ADAM20: variants seen among roughly 807,000 people sequenced by gnomAD.
The protein encoded by ADAM20 is disintegrin and metalloproteinase domain-containing protein 20.
For missense variants in ADAM20, 871 were observed against 883.2 expected (o/e 0.99, Z 0.18); for synonymous variants, 305 against 310.2 (o/e 0.98, Z 0.18).
chr14:70,531,049 G>A (rs1174053705), intron 1 of ADAM20, among the ~76,000 whole-genome samples: 1 of 152,004 alleles, frequency 6.6e-6, no homozygotes, highest in Admixed American at 6.6e-5. Flanking sequence ...ATACAAATTG[G>A]TATTTGAAAA....
At chr14:70,544,851 T>C in the ADAM20 span, among the ~76,000 whole-genome samples, 1 of 152,100 alleles carries the variant, frequency 6.6e-6, no homozygotes, top group South Asian at 2.1e-4. Flanking sequence ...TTTTCAACAT[T>C]AATAGATGTT....
At chr14:70,525,252 T>C (rs1883564541) in intron 1 of ADAM20, among the ~76,000 whole-genome samples, 1 of 152,172 alleles carries the variant, frequency 6.6e-6, no homozygotes, top group Admixed American at 6.5e-5. Context: ...ACTGCTCTGT[T>C]GCCCAGGCTG....
At chr14:70,576,364 C>T in the ADAM20 span, among the ~76,000 whole-genome samples, 1 of 151,900 alleles carries the variant, frequency 6.6e-6, no homozygotes, top group Non-Finnish European at 1.5e-5. Flanking sequence ...TTTAATTTAG[C>T]CTTAACTTTA....
the ADAM20 span, among the ~76,000 whole-genome samples, chr14:70,553,751 T>TA: frequency 0.013 from 1,837 of 142,542 alleles, 14 homozygotes; most frequent in Middle Eastern, 0.025. Flanking sequence ...CCCTTCATGA[T>TA]AAAAAAAAAA....
the ADAM20 span, among the ~76,000 whole-genome samples, chr14:70,542,679 C>T: frequency 6.6e-5 from 10 of 152,340 alleles, no homozygotes; most frequent in South Asian, 6.2e-4. Flanking sequence ...TGGCTCACGC[C>T]TGTAATCCCA....
At chr14:70,554,570 G>T in the ADAM20 span, among the ~76,000 whole-genome samples, 1 of 152,076 alleles carries the variant, frequency 6.6e-6, no homozygotes, top group African/African-American at 2.4e-5. Context: ...ATATTATTCA[G>T]CCTTAACAAA....
the ADAM20 span, among the ~76,000 whole-genome samples, chr14:70,545,468 C>A: frequency 1.3e-5 from 2 of 151,938 alleles, no homozygotes; most frequent in African/African-American, 4.8e-5. Context: ...CTGCTGCCTA[C>A]AAGAAATGTA....
At position 70,524,078 on chromosome 14, in the gene ADAM20, G is replaced by C. The variant is rs1438917317; in HGVS notation, c.680C>G (p.Ala227Gly). ...NIRYLFSQSN[A>G]TTVQHEVFNV... ...AAATACTTCATGCTGCACTGTTGTT[G>C]CATTACTTTGAGAGAAAAGATATCT... The change falls in exon 2 of 2, where the codon GCA (alanine) becomes GGA (glycine). Residue 227 changes from alanine to glycine, a missense_variant. Coordinates refer to ENST00000256389, the MANE Select transcript of ADAM20 (RefSeq NM_003814.5). 1 of 1,613,922 alleles carries C rather than the reference G, an allele frequency of 6.2e-7. No individual in the cohort carries two copies. Among genetic ancestry groups the C allele is most frequent in the South Asian group, 1.1e-5 (1 of 91,078 alleles).
upstream of ADAM20, among the ~76,000 whole-genome samples, chr14:70,538,505 T>C (rs559810557): frequency 1.3e-5 from 2 of 152,330 alleles, no homozygotes; most frequent in African/African-American, 4.8e-5. Context: ...CCTTTATGTT[T>C]TTCTCTTCAT....
chr14:70,524,451 G>C lies in ADAM20; in HGVS notation c.307C>G (p.Pro103Ala). The change falls in exon 2 of 2, where the codon CCC becomes GCC. Residue 103 changes from proline to alanine, a missense_variant. By Grantham distance (27) the Pro-to-Ala change is conservative. Coordinates refer to ENST00000256389, the MANE Select transcript of ADAM20 (RefSeq NM_003814.5). ...TAGTAGCAGTCATCCTGGATGAAGGGCTGATCCTGGAGCAGGGCATGCTGC... is the reference window on the plus strand; with the variant it reads ...TAGTAGCAGTCATCCTGGATGAAGGCCTGATCCTGGAGCAGGGCATGCTGC... ...TEQHALLQDQ[P>A]FIQDDCYYHG... The C allele has an allele frequency of 6.2e-7, 1 of 1,613,968 alleles. No individual in the cohort carries two copies. Among genetic ancestry groups the C allele is most frequent in the Non-Finnish European group, 8.5e-7 (1 of 1,179,922 alleles).
chr14:70,546,056 G>T, the ADAM20 span, among the ~76,000 whole-genome samples: 2 of 152,152 alleles, frequency 1.3e-5, no homozygotes, highest in Non-Finnish European at 2.9e-5. Flanking sequence ...TGGAATTTTG[G>T]AAACTGTACA....
chr14:70,562,411 G>C, the ADAM20 span, among the ~76,000 whole-genome samples: 1 of 152,204 alleles, frequency 6.6e-6, no homozygotes. Context: ...ATGAGACTTT[G>C]GATTGTGGAC....
At chr14:70,538,419 C>T (rs1883879809), upstream of ADAM20, among the ~76,000 whole-genome samples, 1 of 152,152 alleles carries the variant, frequency 6.6e-6, no homozygotes. Context: ...ATAATTCTAA[C>T]TTCCACCCTC....
the ADAM20 span, among the ~76,000 whole-genome samples, chr14:70,544,023 A>G: frequency 3.3e-5 from 5 of 150,780 alleles, no homozygotes; most frequent in Admixed American, 6.6e-5. Context: ...CATAAGATAA[A>G]CCCCTCTCCA....
intron 1 of ADAM20, among the ~76,000 whole-genome samples, chr14:70,527,774 T>A (rs549365945): frequency 2.6e-5 from 4 of 152,264 alleles, no homozygotes; most frequent in Non-Finnish European, 2.9e-5. Flanking sequence ...ACCACCTCTA[T>A]CCAGTTTTCT....
At chr14:70,533,928 C>G (rs1188817526) in intron 1 of ADAM20, among the ~76,000 whole-genome samples, 4 of 151,208 alleles carry the variant, frequency 2.6e-5, no homozygotes, top group Non-Finnish European at 5.9e-5. Flanking sequence ...ACTAAAAATA[C>G]AAAAATTAGC....
the ADAM20 span, chr14:70,557,019 AATTAATATACAAGGAGATC>A: frequency 6.6e-6 from 1 of 152,226 alleles, no homozygotes; most frequent in African/African-American, 2.4e-5. Context: ...CTGCCATAAA[AATTAATATACAAGGAGATC>A]ATTTCAGTCC....
At chr14:70,559,536 G>GTCATA in the ADAM20 span, among the ~76,000 whole-genome samples, 1 of 152,138 alleles carries the variant, frequency 6.6e-6, no homozygotes, top group African/African-American at 2.4e-5. Context: ...TTTAATATGA[G>GTCATA]TCATATCATA....
chr14:70,539,946 T>C (rs529448168), upstream of ADAM20, among the ~76,000 whole-genome samples: 1 of 152,268 alleles, frequency 6.6e-6, no homozygotes, highest in African/African-American at 2.4e-5. Context: ...CTATCTTGTG[T>C]GTGTCTATTA....
Sources: gnomAD v4.1 joint callset for allele counts (sites outside exome capture counted in the v4.1 genomes callset) on GRCh38, gnomAD v4.1.1 for gene constraint, MANE v1.5 for transcripts, NCBI Gene and HGNC (gene_info 2026-07-23, HGNC 2026-07-21) for gene names.